Variants in CUX1 observed in about 807,000 individuals in gnomAD.
CUX1 encodes protein CASP.
Under a neutral mutation model 158.8 loss-of-function variants are expected in CUX1, and 31 were observed. The ratio of observed to expected loss-of-function variants is 0.20; its 90% CI spans 0.15 to 0.26. The LOEUF is 0.26. CUX1 is among the 10% of genes least tolerant of loss of function. The pLI is 1.00. For missense variants in CUX1, 1,589 were observed against 2,014.6 expected (o/e 0.79, Z 4.04); for synonymous variants, 879 against 862.1 (o/e 1.02, Z -0.34).
chr7:102,227,908 A>C (rs1392030559), intron 21 of CUX1, among the ~76,000 whole-genome samples: 3 of 151,510 alleles, frequency 2.0e-5, no homozygotes, highest in Non-Finnish European at 2.9e-5. Flanking sequence ...GCATGGAGTC[A>C]GAGTGGACTC....
intron 8 of CUX1, among the ~76,000 whole-genome samples, chr7:102,128,616 A>AC (rs1262198213): frequency 1.3e-5 from 2 of 151,630 alleles, no homozygotes; most frequent in African/African-American, 4.8e-5. Flanking sequence ...CCTGGGTTTA[A>AC]TTCCCAACTC....
intron 2 of CUX1, among the ~76,000 whole-genome samples, chr7:101,983,932 G>T (rs915910116): frequency 6.6e-6 from 1 of 151,178 alleles, no homozygotes; most frequent in Non-Finnish European, 1.5e-5. Flanking sequence ...TACTCAGGAG[G>T]CTGAGGCAGG....
intron 1 of CUX1, among the ~76,000 whole-genome samples, chr7:101,914,915 A>T (rs900038138): frequency 6.6e-6 from 1 of 152,166 alleles, no homozygotes; most frequent in Non-Finnish European, 1.5e-5. Context: ...TTTGCTGGTT[A>T]ACTTCCGCCA....
chr7:101,899,277 A>T (rs2131727461), intron 1 of CUX1, among the ~76,000 whole-genome samples: 1 of 152,300 alleles, frequency 6.6e-6, no homozygotes, highest in South Asian at 2.1e-4. Context: ...GGCTGGGCGC[A>T]GTGGCTCACG....
intron 8 of CUX1, among the ~76,000 whole-genome samples, chr7:102,126,098 C>T (rs1368694890): frequency 1.3e-5 from 2 of 152,036 alleles, no homozygotes; most frequent in African/African-American, 4.8e-5. Context: ...ACTGCAACCT[C>T]TGCCTCTTGG....
chr7:102,018,069 A>G (rs1463204998), intron 2 of CUX1, among the ~76,000 whole-genome samples: 1 of 151,994 alleles, frequency 6.6e-6, no homozygotes, highest in African/African-American at 2.4e-5. Context: ...TGATCCTCCC[A>G]CCTCACCCTT....
At chr7:101,966,761 A>G (rs1045978795) in intron 2 of CUX1, among the ~76,000 whole-genome samples, 2 of 152,096 alleles carry the variant, frequency 1.3e-5, no homozygotes, top group African/African-American at 2.4e-5. Flanking sequence ...CACGGTCTGT[A>G]TCTCCCTATA....
chr7:101,858,302 T>A (rs946189253), intron 1 of CUX1, among the ~76,000 whole-genome samples: 1 of 152,032 alleles, frequency 6.6e-6, no homozygotes, highest in African/African-American at 2.4e-5. Flanking sequence ...GGTTTTGGGG[T>A]TGGTGGTGGG....
At chr7:102,022,751 G>GGCAT (rs1365771172) in intron 2 of CUX1, among the ~76,000 whole-genome samples, 1 of 152,236 alleles carries the variant, frequency 6.6e-6, no homozygotes, top group African/African-American at 2.4e-5. Context: ...TTTGCCAAAA[G>GGCAT]GCATATGATT....
At chr7:101,939,669 A>T (rs938882102) in intron 2 of CUX1, among the ~76,000 whole-genome samples, 3 of 151,822 alleles carry the variant, frequency 2.0e-5, no homozygotes, top group African/African-American at 7.3e-5. Flanking sequence ...CCACCTCTAT[A>T]AAAAAAATAC....
At chr7:102,090,251 T>A (rs1828402535) in intron 4 of CUX1, among the ~76,000 whole-genome samples, 2 of 152,208 alleles carry the variant, frequency 1.3e-5, no homozygotes, top group Admixed American at 1.3e-4. Flanking sequence ...TCCAAAATGC[T>A]TGGAATCAGA....
chr7:102,254,756 A>G lies in CUX1; in HGVS notation c.*5714A>G. 1 of 985,456 alleles carries G rather than the reference A, an allele frequency of 1.0e-6. No homozygotes were observed. The highest frequency in any genetic ancestry group is 1.2e-6 in the Non-Finnish European group (1 of 829,966). 61.0% of individuals were successfully genotyped at this position (985,456 alleles called of 1,614,324 possible). A position where few individuals can be genotyped will look rare whatever the true frequency, so the allele number is the denominator to read the frequency against. On this transcript the variant is annotated 3_prime_UTR_variant, in exon 24 of 24. Coordinates refer to ENST00000292535, the MANE Select transcript of CUX1 (RefSeq NM_181552.4). ...GGCAGGGCTTGTGCCCTGAGTGGCGAGGTGGTGACCTGAGGCCAGTGTGAT... is the reference window on the plus strand; with the variant it reads ...GGCAGGGCTTGTGCCCTGAGTGGCGGGGTGGTGACCTGAGGCCAGTGTGAT...
chr7:101,891,139 T>G (rs949416013), intron 1 of CUX1, among the ~76,000 whole-genome samples: 2 of 152,186 alleles, frequency 1.3e-5, no homozygotes, highest in African/African-American at 4.8e-5. Context: ...AATGTTTTAT[T>G]TGTCTCATTT....
chr7:102,133,008 C>A (rs1400246697), intron 8 of CUX1, among the ~76,000 whole-genome samples: 2 of 152,104 alleles, frequency 1.3e-5, no homozygotes, highest in African/African-American at 4.8e-5. Context: ...ACTTCAAGAT[C>A]TTCTGAACTT....
At chr7:101,965,276 G>A (rs1194994493) in intron 2 of CUX1, among the ~76,000 whole-genome samples, 4 of 152,168 alleles carry the variant, frequency 2.6e-5, no homozygotes, top group South Asian at 4.1e-4. Context: ...ACTGTGCGGC[G>A]GGGAGGGGGC....
At chr7:102,118,471 G>A (rs1831667472) in intron 8 of CUX1, among the ~76,000 whole-genome samples, 1 of 152,134 alleles carries the variant, frequency 6.6e-6, no homozygotes, top group South Asian at 2.1e-4. Context: ...CCAGGAGGTC[G>A]AGGCTGCAGT....
intron 1 of CUX1, among the ~76,000 whole-genome samples, chr7:101,885,549 AC>A: frequency 6.6e-6 from 1 of 152,244 alleles, no homozygotes; most frequent in African/African-American, 2.4e-5. Context: ...ACAGAGCGAG[AC>A]CCTGTCCCAA....
At chr7:102,263,901 G>C (rs572203027) in intron 14 of CUX1, among the ~76,000 whole-genome samples, 1 of 148,718 alleles carries the variant, frequency 6.7e-6, no homozygotes, top group Non-Finnish European at 1.5e-5. Flanking sequence ...CATATTGGCC[G>C]GGCTGGTCTC....
intron 2 of CUX1, among the ~76,000 whole-genome samples, chr7:102,016,746 T>C (rs559402353): frequency 7.2e-5 from 11 of 152,364 alleles, no homozygotes; most frequent in African/African-American, 1.9e-4. Flanking sequence ...TGAACATTCT[T>C]GTGCATAAAT....
Sources: allele counts gnomAD v4.1 joint callset (sites outside exome capture counted in the v4.1 genomes callset), GRCh38; gene constraint gnomAD v4.1.1; transcripts MANE v1.5; gene names NCBI Gene and HGNC (gene_info 2026-07-23, HGNC 2026-07-21).